PDXDC1: variants seen among roughly 807,000 people sequenced by gnomAD.
PDXDC1 encodes the protein pyridoxal dependent decarboxylase domain containing 1, also known as pyridoxal-dependent decarboxylase domain-containing protein 1.
Under a neutral mutation model 100.1 loss-of-function variants are expected in PDXDC1, and 42 were observed. That is an observed-to-expected ratio of 0.42 (90% CI 0.33 to 0.54). The LOEUF is 0.54. Among genes scored for constraint, PDXDC1 ranks in the 20% least tolerant of loss-of-function variants. PDXDC1 has a pLI of 0.10. For missense variants in PDXDC1, 636 were observed against 979.2 expected, an observed-to-expected ratio of 0.65 and a Z score of 4.68; for synonymous variants, 260 against 371.7, an observed-to-expected ratio of 0.70 and a Z score of 3.46.
At chr16:15,000,225 A>G (rs1216289749) in intron 3 of PDXDC1, among the ~76,000 whole-genome samples, 3 of 152,290 alleles carry the variant, frequency 2.0e-5, no homozygotes, top group Admixed American at 2.0e-4. Flanking sequence ...TCTCAGCCTT[A>G]AGCCACTGAC....
chr16:15,125,246 G>A (rs1850760320), intron 16 of PDXDC1: 2 of 522,520 alleles, frequency 3.8e-6, no homozygotes, highest in South Asian at 2.0e-5. Flanking sequence ...TTGTGCCGCA[G>A]ATTGCTACCC....
At chr16:15,147,611 C>A in the PDXDC1 span, among the ~76,000 whole-genome samples, 5 of 152,208 alleles carry the variant, frequency 3.3e-5, no homozygotes, top group Admixed American at 3.3e-4. Flanking sequence ...ACTGCAACCT[C>A]TGCCTCCCAG....
Position 15,036,364 on chromosome 16 carries a change from A to T in PDXDC1, c.*89A>T. 3 of 1,241,204 alleles carry T rather than the reference A, an allele frequency of 2.4e-6. No individual in the cohort carries two copies. Among genetic ancestry groups the T allele is most frequent in the Non-Finnish European group, 3.4e-6 (3 of 880,902 alleles). 76.9% of individuals were successfully genotyped at this position (1,241,204 alleles called of 1,614,324 possible). Reference sequence around the variant, plus strand: ...AATGTGAACTGTGCCACATACTAATATAAATTACTGTTGTTTGTGCTTCAC... The same window carrying T: ...AATGTGAACTGTGCCACATACTAATTTAAATTACTGTTGTTTGTGCTTCAC... On this transcript the variant is annotated 3_prime_UTR_variant, in exon 23 of 23. Transcript: ENST00000396410.
chr16:15,044,405 AG>A, intron 16 of PDXDC1: 1 of 1,611,684 alleles, frequency 6.2e-7, no homozygotes, highest in Non-Finnish European at 8.5e-7. Flanking sequence ...GTGTACTTCC[AG>A]CCTGGCAAAG....
At chr16:15,049,841 G>C (rs780948592) in intron 16 of PDXDC1, among the ~76,000 whole-genome samples, 25 of 152,018 alleles carry the variant, frequency 1.6e-4, no homozygotes, top group Admixed American at 1.0e-3. Context: ...GAAAACTATG[G>C]GAAAAAGAGT....
chr16:15,130,473 G>T (rs771915081), intron 16 of PDXDC1: 14 of 1,395,122 alleles, frequency 1.0e-5, no homozygotes, highest in Middle Eastern at 2.4e-4. Flanking sequence ...GGAAGGGGCA[G>T]TGGACGTGAG....
intron 11 of PDXDC1, among the ~76,000 whole-genome samples, chr16:15,017,867 T>C (rs2041910803): frequency 6.6e-6 from 1 of 152,092 alleles, no homozygotes; most frequent in Non-Finnish European, 1.5e-5. Flanking sequence ...TGATCTTGGC[T>C]CACTGCAACC....
At chr16:15,135,149 C>T (rs1020874936) in intron 16 of PDXDC1, 27 of 784,838 alleles carry the variant, frequency 3.4e-5, no homozygotes, top group Non-Finnish European at 5.3e-5. Context: ...TGTCGTGTTA[C>T]GTAGAATTTG....
At chr16:15,056,543 A>G (rs1204642813) in intron 16 of PDXDC1, among the ~76,000 whole-genome samples, 1 of 152,166 alleles carries the variant, frequency 6.6e-6, no homozygotes, top group Non-Finnish European at 1.5e-5. Flanking sequence ...TGGGGGGCCG[A>G]GGCAGGAGGA....
intron 16 of PDXDC1, chr16:15,079,877 G>T: frequency 1.7e-6 from 2 of 1,190,576 alleles, no homozygotes; most frequent in Non-Finnish European, 2.3e-6. Context: ...GAATACAGGC[G>T]TGAGTCACCA....
chr16:15,106,664 G>A (rs1260115156), intron 16 of PDXDC1, among the ~76,000 whole-genome samples: 4 of 145,928 alleles, frequency 2.7e-5, no homozygotes, highest in Admixed American at 1.4e-4. Context: ...CTGAGGCAGG[G>A]GAATCACTTG....
intron 16 of PDXDC1, among the ~76,000 whole-genome samples, chr16:15,076,983 T>C (rs1317419871): frequency 2.0e-5 from 3 of 150,432 alleles, no homozygotes; most frequent in Admixed American, 6.6e-5. Context: ...CAAATCACTT[T>C]TTTTTTTTTT....
At position 15,037,816 on chromosome 16, in the gene PDXDC1, C is replaced by T. The variant is rs999776096; in HGVS notation, c.*1541C>T. On this transcript the variant is annotated 3_prime_UTR_variant, in exon 23 of 23. Coordinates refer to ENST00000396410, the MANE Select transcript of PDXDC1 (RefSeq NM_015027.4). The stretch of plus-strand genomic sequence containing the variant: ...ACCGACCAAAAAAAAAACTGGACAT[C>T]AATTTTTTAGTAAACCAAAAAATAA... 2.2e-6 allele frequency: 1 copy of T among 451,636 alleles called. No homozygotes were observed. Among genetic ancestry groups the T allele is most frequent in the African/African-American group, 2.0e-5 (1 of 50,576 alleles). The allele number at this position is 451,636 out of a possible 1,614,324, so 28.0% of individuals were successfully genotyped here.
chr16:14,976,617 T>G (rs1219461057), intron 1 of PDXDC1: 2 of 152,392 alleles, frequency 1.3e-5, no homozygotes, highest in Admixed American at 6.5e-5. Flanking sequence ...GATGAGTGGT[T>G]CTTAAAGCAG....
At chr16:15,079,676 T>TCTGCCTCC (rs956756386) in intron 16 of PDXDC1, among the ~76,000 whole-genome samples, 1 of 151,870 alleles carries the variant, frequency 6.6e-6, no homozygotes, top group African/African-American at 2.4e-5. Context: ...CACTGCAAGA[T>TCTGCCTCC]CTGCCTCCCG....
At chr16:15,063,112 G>T in intron 16 of PDXDC1, 1 of 1,038,952 alleles carries the variant, frequency 9.6e-7, no homozygotes, top group South Asian at 1.3e-5. Context: ...TTACACGCAC[G>T]AACGACTTGC....
intron 16 of PDXDC1, chr16:15,048,249 G>C: frequency 1.6e-6 from 1 of 614,524 alleles, no homozygotes; most frequent in Non-Finnish European, 2.9e-6. Context: ...AAAGAAAAAG[G>C]CAGCAGCCAC....
intron 1 of PDXDC1, among the ~76,000 whole-genome samples, chr16:14,993,060 G>A (rs1971193953): frequency 6.6e-6 from 1 of 151,942 alleles, no homozygotes; most frequent in Admixed American, 6.6e-5. Flanking sequence ...TGAAACTCCT[G>A]GCCTCAAGTG....
downstream of PDXDC1, among the ~76,000 whole-genome samples, chr16:15,141,590 C>T (rs1167908589): frequency 6.6e-6 from 1 of 152,174 alleles, no homozygotes; most frequent in Non-Finnish European, 1.5e-5. Flanking sequence ...ACACAGGGAA[C>T]GGCCCCTCCG....
Sources: gnomAD v4.1 joint callset for allele counts (sites outside exome capture counted in the v4.1 genomes callset) on GRCh38, gnomAD v4.1.1 for gene constraint, MANE v1.5 for transcripts, NCBI Gene and HGNC (gene_info 2026-07-23, HGNC 2026-07-21) for gene names.